The following DST variants were observed in gnomAD, a reference collection of about 807,000 sequenced individuals.
DST encodes bullous pemphigoid antigen.
A neutral mutation model predicts 875.2 loss-of-function variants in DST; 253 were observed. The ratio of observed to expected loss-of-function variants is 0.29; its 90% confidence interval spans 0.26 to 0.32. DST has a LOEUF of 0.32. Ranked by LOEUF, DST falls within the 10% of genes least tolerant of loss-of-function variation. The pLI, the probability that DST is intolerant of heterozygous loss-of-function variation, is 1.00. For missense variants in DST, 8,287 were observed against 9,111.6 expected, an observed-to-expected ratio of 0.91 and a Z score of 3.68; for synonymous variants, 3,124 against 3,197.1, an observed-to-expected ratio of 0.98 and a Z score of 0.77.
intron 4 of DST, among the ~76,000 whole-genome samples, chr6:56,757,865 T>C (rs2099607982): frequency 6.6e-6 from 1 of 152,204 alleles, no homozygotes; most frequent in South Asian, 2.1e-4. Context: ...GCTGGACTTC[T>C]CTCAAGTAAG....
Position 56,460,182 on chromosome 6 carries a change from C to A in DST, c.23143G>T (p.Asp7715Tyr). The A allele has an allele frequency of 6.2e-7, 1 of 1,613,966 alleles. No homozygotes were observed. The highest frequency in any genetic ancestry group is 1.3e-5 in the African/African-American group (1 of 75,050). Residue 7715 changes from aspartate to tyrosine, a missense_variant, in exon 103 of 104, where the codon GAC (aspartate) becomes TAC (tyrosine). By Grantham distance (160) the Asp-to-Tyr change is radical (BLOSUM62 -3). This residue lies in a region of DST where 240 missense variants were observed against 237.3 expected (regional missense o/e 1.01). Coordinates refer to ENST00000680361, the MANE Select transcript of DST (RefSeq NM_001374736.1). ...GCTGCAGTTGTTATCAAGCCACTGT[C>A]CTCCCCAGAGTGGAAGCCTTTCCCT... ...LSGKGFHSGE[D>Y]SGLITTAAAR...
chr6:56,660,613 CA>C (rs34162063), intron 10 of DST, among the ~76,000 whole-genome samples: 2,211 of 89,006 alleles, frequency 0.025, 34 homozygotes, highest in African/African-American at 0.08. Context: ...TTGCAATCAC[CA>C]AAAAAAAAAA....
chr6:56,915,553 G>A (rs1343950030), intron 2 of DST, among the ~76,000 whole-genome samples: 1 of 152,006 alleles, frequency 6.6e-6, no homozygotes, highest in Non-Finnish European at 1.5e-5. Flanking sequence ...CGGGGGTGGA[G>A]AGTGAAGACA....
At position 56,607,472 on chromosome 6, in the gene DST, G is replaced by T; in HGVS notation, c.7156C>A (p.His2386Asn). ...GGAAAGTTTTGAATGTTTTTAGAAT[G>T]ACTACATTCATTTGCACGTTCATTT... ...ETNERANECS[H>N]SKNIQNFPSD... Residue 2386 changes from histidine (H) to asparagine (N), a missense_variant, in exon 40 of 104, where the codon CAT becomes AAT. This residue lies in a region of DST where 3,138 missense variants were observed against 3,116.6 expected (regional missense o/e 1.01). Coordinates refer to ENST00000680361, the MANE Select transcript of DST (RefSeq NM_001374736.1). 1 of 1,599,296 alleles carries T rather than the reference G, an allele frequency of 6.3e-7. No homozygotes were observed. The highest frequency in any genetic ancestry group is 1.1e-5 in the South Asian group (1 of 89,740).
chr6:56,600,579 G>C (rs1176639967), intron 44 of DST, among the ~76,000 whole-genome samples: 1 of 152,024 alleles, frequency 6.6e-6, no homozygotes, highest in Non-Finnish European at 1.5e-5. Context: ...AGAGAAGTTA[G>C]TTGTGATTTG....
In DST at chr6:56,605,574, G is replaced by A; in HGVS notation, c.9054C>T (p.Ala3018=). The A allele has an allele frequency of 6.2e-7, 1 of 1,612,998 alleles. No individual in the cohort carries two copies. Among genetic ancestry groups the A allele is most frequent in the Non-Finnish European group, 8.5e-7 (1 of 1,179,338 alleles). ...CTTGAGGATCTTTGTCAGTTACAGA[G>A]GCTATCAATGACAAATGGCTTTCCT... The part of the protein sequence containing the change: ...PAEESHLSLI[A]SVTDKDPQGN... The change falls in exon 40 of 104, where the codon GCC becomes GCT. Residue 3018 remains alanine, a synonymous_variant. Coordinates refer to ENST00000680361, the MANE Select transcript of DST (RefSeq NM_001374736.1).
intron 61 of DST, among the ~76,000 whole-genome samples, chr6:56,551,337 A>C (rs1336754552): frequency 6.6e-6 from 1 of 152,218 alleles, no homozygotes; most frequent in Non-Finnish European, 1.5e-5. Flanking sequence ...TATCTTTGCC[A>C]GTAAAACACA....
intron 10 of DST, among the ~76,000 whole-genome samples, chr6:56,661,348 A>G (rs1285542474): frequency 6.6e-6 from 1 of 152,232 alleles, no homozygotes; most frequent in Admixed American, 6.5e-5. Flanking sequence ...AGAAATCTTC[A>G]TGTGAGAGAA....
intron 4 of DST, among the ~76,000 whole-genome samples, chr6:56,803,550 A>T (rs1156617209): frequency 6.6e-6 from 1 of 152,160 alleles, no homozygotes; most frequent in African/African-American, 2.4e-5. Context: ...CTTTTCACGC[A>T]ATCATTTTCT....
At chr6:56,594,844 A>G (rs1205700405) in intron 47 of DST, among the ~76,000 whole-genome samples, 1 of 152,218 alleles carries the variant, frequency 6.6e-6, no homozygotes, top group African/African-American at 2.4e-5. Context: ...TAAGGAGTAC[A>G]TGAGATCACA....
At chr6:56,478,595 T>C (rs2095293245) in intron 90 of DST, among the ~76,000 whole-genome samples, 1 of 152,210 alleles carries the variant, frequency 6.6e-6, no homozygotes. Flanking sequence ...TCTGAAAATG[T>C]GATTACAAAA....
rs191732557 is a variant in DST at position 56,898,016 on chromosome 6, C to T, written c.417+2405G>A. On this transcript the variant is annotated intron_variant, in intron 3 of 103. Coordinates refer to ENST00000680361, the MANE Select transcript of DST (RefSeq NM_001374736.1). ...CTCCACCTATAGGCTGATGAAGCAC[C>T]TTAGCCCTGCCCACATTTCTGTAAA... is the stretch of plus-strand genomic sequence containing the variant. Among the ~76,000 whole-genome samples, 4 of 152,298 alleles carry T rather than the reference C, an allele frequency of 2.6e-5. No individual in the cohort carries two copies. The East Asian group carries it at 5.8e-4, about 22-fold the overall frequency.
At chr6:56,620,092 T>C (rs1407037057) in intron 36 of DST, 3 of 1,613,626 alleles carry the variant, frequency 1.9e-6, no homozygotes, top group Admixed American at 1.7e-5. Flanking sequence ...CCAATTCAAT[T>C]TTCTGCTTTT....
chr6:56,664,192 T>C (rs917885728), intron 10 of DST, among the ~76,000 whole-genome samples: 1 of 152,298 alleles, frequency 6.6e-6, no homozygotes, highest in Admixed American at 6.5e-5. Context: ...TTCAGGTACA[T>C]ATTCATGTTC....
chr6:56,512,051 T>G lies in DST; in HGVS notation c.18577-651A>C, dbSNP rs549686453. On this transcript the variant is annotated intron_variant, in intron 72 of 103. Coordinates refer to ENST00000680361, the MANE Select transcript of DST (RefSeq NM_001374736.1). Reference sequence around the variant, plus strand: ...CATTTTATATTTATGTATGAATCTATTCTATATATATATGATATATAGACA... The same window carrying G: ...CATTTTATATTTATGTATGAATCTAGTCTATATATATATGATATATAGACA... Among the ~76,000 whole-genome samples the G allele has an allele frequency of 5.9e-5, 9 of 152,100 alleles. No individual in the cohort carries two copies. The South Asian group carries it at 1.7e-3, about 28-fold the overall frequency.
intron 4 of DST, among the ~76,000 whole-genome samples, chr6:56,784,636 T>C (rs1421779635): frequency 3.3e-5 from 5 of 152,232 alleles, no homozygotes; most frequent in African/African-American, 9.6e-5. Flanking sequence ...CTAAAGTTTT[T>C]TCAGAGTTTT....
At chr6:56,681,870 G>A (rs1024848636) in intron 9 of DST, among the ~76,000 whole-genome samples, 3 of 152,166 alleles carry the variant, frequency 2.0e-5, no homozygotes, top group Non-Finnish European at 4.4e-5. Context: ...CTGGGGAGAA[G>A]AGGCTTTATT....
intron 3 of DST, among the ~76,000 whole-genome samples, chr6:56,852,487 C>T (rs971251885): frequency 6.6e-6 from 1 of 152,160 alleles, no homozygotes; most frequent in Non-Finnish European, 1.5e-5. Context: ...GTCCTCCCTT[C>T]ATCTAGCTGG....
At chr6:56,840,723 A>C (rs910317584) in intron 4 of DST, among the ~76,000 whole-genome samples, 10 of 152,190 alleles carry the variant, frequency 6.6e-5, no homozygotes, top group African/African-American at 2.4e-4. Flanking sequence ...ACAGAGTCTG[A>C]TTTGAACTCC....
Sources: allele counts gnomAD v4.1 joint callset (sites outside exome capture counted in the v4.1 genomes callset), GRCh38; gene constraint gnomAD v4.1.1; regional missense constraint gnomAD v4.1.1; transcripts MANE v1.5; gene names NCBI Gene and HGNC (gene_info 2026-07-23, HGNC 2026-07-21).